Variants in SLC19A1 observed in about 807,000 individuals in gnomAD.
SLC19A1 encodes solute carrier family 19 member 1, also known as reduced folate transporter.
SLC19A1 carries 37 observed loss-of-function variants against 35.3 expected under a neutral mutation model. The ratio of observed to expected loss-of-function variants is 1.05; its 90% confidence interval spans 0.81 to 1.38. The LOEUF (loss-of-function observed/expected upper bound fraction) is 1.38, where lower values mean the gene tolerates loss of function less well. Among genes scored for constraint, SLC19A1 ranks in the 40% most tolerant of loss-of-function variants. The pLI is 0.00. For missense variants in SLC19A1, 831 were observed against 826.9 expected (o/e 1.00, Z -0.06); for synonymous variants, 460 against 398.5 (o/e 1.15, Z -1.84).
At chr21:45,523,462 TAAGG>T (rs2146268470) in intron 5 of SLC19A1, among the ~76,000 whole-genome samples, 1 of 152,200 alleles carries the variant, frequency 6.6e-6, no homozygotes, top group African/African-American at 2.4e-5. Flanking sequence ...CAGGACCAGC[TAAGG>T]AAGGGAAAGG....
At chr21:45,504,892 T>C (rs2037097612) in intron 3 of SLC19A1, among the ~76,000 whole-genome samples, 1 of 148,054 alleles carries the variant, frequency 6.8e-6, no homozygotes, top group South Asian at 2.2e-4. Context: ...GGGCCCCAGC[T>C]ACTGCCTGGG....
chr21:45,509,636 T>G, downstream of SLC19A1: 2 of 1,135,350 alleles, frequency 1.8e-6, no homozygotes, highest in Non-Finnish European at 2.6e-6. Flanking sequence ...TGGCTCCATC[T>G]AGCCCCTCGG....
At position 45,531,736 on chromosome 21, in the gene SLC19A1, A is replaced by C; in HGVS notation, c.602T>G (p.Leu201Arg). The change falls in exon 3 of 6, where the codon CTC (leucine) becomes CGC (arginine). Residue 201 changes from leucine (L) to arginine (R), a missense_variant. Coordinates refer to ENST00000311124, the MANE Select transcript of SLC19A1 (RefSeq NM_194255.4). ...AFLTFSVVLA[L>R]FLKRPKRSLF... Reference sequence around the variant, plus strand: ...GCTGCGCTTGGGGCGCTTCAGGAAGAGGGCGAGGACCACGCTGAAGGTGAG... The same window carrying C: ...GCTGCGCTTGGGGCGCTTCAGGAAGCGGGCGAGGACCACGCTGAAGGTGAG... The C allele has an allele frequency of 1.9e-6, 3 of 1,612,696 alleles. No individual in the cohort carries two copies. The highest frequency in any genetic ancestry group is 2.5e-6 in the Non-Finnish European group (3 of 1,179,590).
chr21:45,505,769 T>C (rs2037163890), intron 3 of SLC19A1: 1 of 1,231,172 alleles, frequency 8.1e-7, no homozygotes. Flanking sequence ...GAAACGGGCA[T>C]TCCTTCCTTC....
At chr21:45,528,661 T>A (rs191466906) in intron 4 of SLC19A1, among the ~76,000 whole-genome samples, 2 of 152,206 alleles carry the variant, frequency 1.3e-5, no homozygotes, top group Non-Finnish European at 2.9e-5. Context: ...AGGGTCATTA[T>A]TAGAATTTGG....
chr21:45,557,315 C>T (rs966920010), intron 1 of SLC19A1, among the ~76,000 whole-genome samples: 8 of 152,218 alleles, frequency 5.3e-5, no homozygotes, highest in Admixed American at 1.3e-4. Flanking sequence ...GGCCTCGTGA[C>T]ACCCTGGAGT....
At chr21:45,545,063 G>A (rs1437875781), upstream of SLC19A1, among the ~76,000 whole-genome samples, 2 of 152,198 alleles carry the variant, frequency 1.3e-5, no homozygotes, top group Admixed American at 1.3e-4. Flanking sequence ...GCAAGGCTTG[G>A]ACCAAATGCT....
chr21:45,534,848 C>G lies in SLC19A1; in HGVS notation c.190-2700G>C. On this transcript the variant is annotated intron_variant, in intron 2 of 5. Coordinates refer to ENST00000311124, the MANE Select transcript of SLC19A1 (RefSeq NM_194255.4). This position sits in a 1 kb window ranked among gnomAD's most constrained non-coding sequence, Gnocchi z 4.2. The stretch of plus-strand genomic sequence containing the variant: ...AGGGAGGTGGCATCTGTCAGGCGGC[C>G]ACGACTCTGACACGAGGACAGCCTC... 1 of 563,128 alleles carries G rather than the reference C, an allele frequency of 1.8e-6. No homozygotes were observed. Among genetic ancestry groups the G allele is most frequent in the Non-Finnish European group, 3.2e-6 (1 of 314,586 alleles). The allele number at this position is 563,128 out of a possible 1,614,324, so 34.9% of individuals were successfully genotyped here.
chr21:45,559,865 T>C (rs1437700090), intron 1 of SLC19A1, among the ~76,000 whole-genome samples: 1 of 152,054 alleles, frequency 6.6e-6, no homozygotes, highest in East Asian at 1.9e-4. Flanking sequence ...TTATTTTTAC[T>C]GTGACATCCA....
chr21:45,535,551 G>A (rs1326064551), intron 2 of SLC19A1, among the ~76,000 whole-genome samples: 1 of 152,212 alleles, frequency 6.6e-6, no homozygotes, highest in Admixed American at 6.5e-5. Flanking sequence ...GACGGCCGGC[G>A]CTCAGCAGCC....
At chr21:45,552,343 G>A (rs2078474002) in intron 1 of SLC19A1, among the ~76,000 whole-genome samples, 1 of 152,146 alleles carries the variant, frequency 6.6e-6, no homozygotes. Flanking sequence ...GTGTCCCAGG[G>A]AAAGAACAAA....
chr21:45,556,541 T>G (rs2078563881), intron 1 of SLC19A1, among the ~76,000 whole-genome samples: 1 of 152,278 alleles, frequency 6.6e-6, no homozygotes, highest in Non-Finnish European at 1.5e-5. Context: ...TAGTTAAAAT[T>G]AATTAAAATT....
chr21:45,537,992 C>T lies in SLC19A1; in HGVS notation c.-33G>A, dbSNP rs371753366. The T allele has an allele frequency of 5.4e-5, 79 of 1,463,634 alleles. No homozygotes were observed. In the African/African-American group the frequency reaches 8.6e-4, roughly 16 times the overall value. The allele number at this position is 1,463,634 out of a possible 1,614,324, so 90.7% of individuals were successfully genotyped here. Reference sequence around the variant, plus strand: ...AGGCCACGTGCAGCTCCGGAGGGGACGAAGGTGACGCTGTGCCTGGAAGGA... The same window carrying T: ...AGGCCACGTGCAGCTCCGGAGGGGATGAAGGTGACGCTGTGCCTGGAAGGA... On this transcript the variant is annotated 5_prime_UTR_variant, in exon 2 of 6. Transcript: ENST00000311124.
At chr21:45,529,628 T>C (rs1269413964) in intron 4 of SLC19A1, among the ~76,000 whole-genome samples, 3 of 151,254 alleles carry the variant, frequency 2.0e-5, no homozygotes, top group African/African-American at 7.3e-5. Context: ...AACGTGTCCA[T>C]GTGTAAACGT....
At chr21:45,550,980 TC>T (rs1229907530) in intron 1 of SLC19A1, among the ~76,000 whole-genome samples, 1 of 133,810 alleles carries the variant, frequency 7.5e-6, no homozygotes, top group Non-Finnish European at 1.6e-5. Flanking sequence ...GGCCCCCGCC[TC>T]CATTCTCCTC....
downstream of SLC19A1, chr21:45,512,076 C>A (rs2037643648): frequency 8.3e-7 from 1 of 1,199,376 alleles, no homozygotes; most frequent in Non-Finnish European, 1.2e-6. Flanking sequence ...CTCTGCAGCC[C>A]CCTGGTAACC....
chr21:45,508,912 G>T (rs138262893), downstream of SLC19A1, among the ~76,000 whole-genome samples: 105 of 152,284 alleles, frequency 6.9e-4, no homozygotes, highest in Middle Eastern at 3.4e-3. Flanking sequence ...GAAAGGTGCA[G>T]AATCAATAGG....
At position 45,533,001 on chromosome 21, in the gene SLC19A1, GC is replaced by G. The variant is rs2077984075; in HGVS notation, c.190-854del. 6.6e-6 allele frequency among the ~76,000 whole-genome samples: 1 copy of G among 152,172 alleles called. No individual in the cohort carries two copies. Among genetic ancestry groups the G allele is most frequent in the African/African-American group, 2.4e-5 (1 of 41,440 alleles). ...GAGAGGAAGTGGGGTAGGGCAGAGG[GC>G]CCTGGGCTGTGCACTCCCATCTCAC... On this transcript the variant is annotated intron_variant, in intron 2 of 5. Transcript: ENST00000311124. The surrounding 1 kb of genome is among the most constrained non-coding windows in gnomAD (Gnocchi z 4.5).
chr21:45,512,455 C>A, downstream of SLC19A1: 1 of 1,555,612 alleles, frequency 6.4e-7, no homozygotes. Context: ...AAGCCCCCAC[C>A]GTGGGCAGGG....
Sources: allele counts gnomAD v4.1 joint callset (sites outside exome capture counted in the v4.1 genomes callset), GRCh38; gene constraint gnomAD v4.1.1; non-coding constraint Gnocchi (gnomAD v3.1); transcripts MANE v1.5; gene names NCBI Gene and HGNC (gene_info 2026-07-23, HGNC 2026-07-21).